The following SLC35B4 variants were observed in gnomAD, a reference collection of about 807,000 sequenced individuals.
The protein encoded by SLC35B4 is solute carrier family 35 member B4, also known as nucleotide sugar transporter SLC35B4.
In SLC35B4, 28 loss-of-function variants were observed where a neutral mutation model predicts 39.5. The ratio of observed to expected loss-of-function variants is 0.71; its 90% CI spans 0.53 to 0.97. The LOEUF (loss-of-function observed/expected upper bound fraction) is 0.97, where lower values mean the gene tolerates loss of function less well. SLC35B4 is among the 50% of genes least tolerant of loss of function. SLC35B4 has a pLI of 0.00. For missense variants in SLC35B4, 334 were observed against 414.3 expected (o/e 0.81, Z 1.68); for synonymous variants, 145 against 150.4 (o/e 0.96, Z 0.26).
Position 134,302,098 on chromosome 7 carries a change from G to A in SLC35B4, c.357C>T (p.Phe119=), listed in dbSNP as rs1024952315. The A allele has an allele frequency of 1.9e-6, 3 of 1,612,244 alleles. No individual in the cohort carries two copies. The highest frequency in any genetic ancestry group is 2.5e-6 in the Non-Finnish European group (3 of 1,179,360). Residue 119 remains phenylalanine (F), a synonymous_variant, in exon 5 of 10, where the codon TTC becomes TTT. Coordinates refer to ENST00000378509, the MANE Select transcript of SLC35B4 (RefSeq NM_032826.5). ...ACACCAGGGCAATGGAGGTATATTT[G>A]AATATACTGTATCTGCAAAAAAGAA... is the stretch of plus-strand genomic sequence containing the variant. The part of the protein sequence containing the change: ...IIILKKRYSI[F]KYTSIALVSV...
intron 8 of SLC35B4, among the ~76,000 whole-genome samples, chr7:134,298,098 TATTA>T (rs1185730868): frequency 1.3e-5 from 2 of 152,192 alleles, no homozygotes; most frequent in Non-Finnish European, 2.9e-5. Flanking sequence ...TGGTAAGAAA[TATTA>T]ATTTTCTTTC....
rs1434797572 is a variant in SLC35B4 at position 134,290,571 on chromosome 7, G to A, written c.*4262C>T. ...AACATGCTACTTTAAAGCCAAGAGG[G>A]GCCAGTCTCCCATTCCAGCTTGGTA... On this transcript the variant is annotated 3_prime_UTR_variant, in exon 10 of 10. Transcript: ENST00000378509. 1.3e-5 allele frequency: 2 copies of A among 152,108 alleles called. No individual in the cohort carries two copies. The allele number at this position is 152,108 out of a possible 1,614,324, so 9.4% of individuals were successfully genotyped here.
At chr7:134,316,270 GT>G (rs1165825287) in intron 1 of SLC35B4, among the ~76,000 whole-genome samples, 1 of 152,196 alleles carries the variant, frequency 6.6e-6, no homozygotes, top group Admixed American at 6.5e-5. Context: ...AAGAGCTAGA[GT>G]TGGATGGGAA....
At chr7:134,320,052 AT>A (rs1585652307), upstream of SLC35B4, among the ~76,000 whole-genome samples, 1 of 152,172 alleles carries the variant, frequency 6.6e-6, no homozygotes, top group African/African-American at 2.4e-5. Context: ...CTATTCTAAG[AT>A]GTCTTTTCTA....
chr7:134,311,375 G>T (rs180842229), intron 1 of SLC35B4, among the ~76,000 whole-genome samples: 1 of 152,242 alleles, frequency 6.6e-6, no homozygotes, highest in Admixed American at 6.5e-5. Context: ...CCAAATGGTC[G>T]GCACGGTGGC....
chr7:134,294,926 C>T lies in SLC35B4; in HGVS notation c.903G>A (p.Leu301=). 1 of 1,614,116 alleles carries T rather than the reference C, an allele frequency of 6.2e-7. No homozygotes were observed. Among genetic ancestry groups the T allele is most frequent in the Non-Finnish European group, 8.5e-7 (1 of 1,180,030 alleles). The change falls in exon 10 of 10, where the codon TTG becomes TTA. Residue 301 remains leucine, a synonymous_variant. Coordinates refer to ENST00000378509, the MANE Select transcript of SLC35B4 (RefSeq NM_032826.5). The stretch of plus-strand genomic sequence containing the variant: ...ACATTAAGGTCCCAATGAAGACAAA[C>T]AAGGTGCCCAGCCAGTGCCACAGGG... ...PFTLWHWLGT[L]FVFIGTLMYT...
At chr7:134,295,670 C>T (rs962502914) in intron 9 of SLC35B4, among the ~76,000 whole-genome samples, 1 of 151,970 alleles carries the variant, frequency 6.6e-6, no homozygotes, top group East Asian at 1.9e-4. Context: ...ACTGCAGCCT[C>T]GATCTCCTGG....
Position 134,309,001 on chromosome 7 carries a change from G to A in SLC35B4, c.191+365C>T, listed in dbSNP as rs548184504. ...CTCTATTTATTTCCAAAAGCCATTC[G>A]TTTTTAAAAAGAAACAAGGATACTC... On this transcript the variant is annotated intron_variant, in intron 2 of 9. Coordinates refer to ENST00000378509, the MANE Select transcript of SLC35B4 (RefSeq NM_032826.5). 3.3e-5 allele frequency among the ~76,000 whole-genome samples: 5 copies of A among 152,186 alleles called. No homozygotes were observed. In the South Asian group the frequency reaches 6.2e-4, roughly 19 times the overall value.
intron 9 of SLC35B4, among the ~76,000 whole-genome samples, chr7:134,295,421 T>G (rs766751743): frequency 6.6e-6 from 1 of 152,138 alleles, no homozygotes; most frequent in African/African-American, 2.4e-5. Flanking sequence ...CTCCAGCCCT[T>G]CTATCCCCTC....
chr7:134,296,865 A>C (rs1803480484), intron 8 of SLC35B4, among the ~76,000 whole-genome samples: 1 of 152,248 alleles, frequency 6.6e-6, no homozygotes, highest in Non-Finnish European at 1.5e-5. Flanking sequence ...GTAATTACAG[A>C]ATTCCAAAGT....
At chr7:134,308,714 ATCTCAAGTCAC>A (rs1803767830) in intron 2 of SLC35B4, among the ~76,000 whole-genome samples, 1 of 152,204 alleles carries the variant, frequency 6.6e-6, no homozygotes, top group African/African-American at 2.4e-5. Flanking sequence ...TTACACTTTT[ATCTCAAGTCAC>A]TCTCAGCAAG....
chr7:134,304,417 G>A (rs2117299072), intron 4 of SLC35B4, among the ~76,000 whole-genome samples: 1 of 152,206 alleles, frequency 6.6e-6, no homozygotes, highest in African/African-American at 2.4e-5. Context: ...AAATGTACGT[G>A]ACTAATGAAA....
At chr7:134,300,030 G>T in intron 7 of SLC35B4, 122 bp downstream of exon 7, 1 of 674,068 alleles carries the variant, frequency 1.5e-6, no homozygotes, top group South Asian at 2.2e-5. Context: ...TCAGTCTGTG[G>T]GTCTCAAAGC....
Position 134,293,552 on chromosome 7 carries a change from A to G in SLC35B4, c.*1281T>C, listed in dbSNP as rs1420299889. The G allele has an allele frequency of 6.6e-6, 1 of 152,120 alleles. No homozygotes were observed. The highest frequency in any genetic ancestry group is 1.5e-5 in the Non-Finnish European group (1 of 68,028). 9.4% of individuals were successfully genotyped at this position (152,120 alleles called of 1,614,324 possible). ...CTGATTTACACATCACACACTATAT[A>G]TCTCCATCTATGCATTCCCTTGATG... On this transcript the variant is annotated 3_prime_UTR_variant, in exon 10 of 10. Coordinates refer to ENST00000378509, the MANE Select transcript of SLC35B4 (RefSeq NM_032826.5).
chr7:134,301,830 T>C lies in SLC35B4; in HGVS notation c.427-9A>G, dbSNP rs761454822. On this transcript the variant is annotated splice_polypyrimidine_tract_variant and intron_variant, in intron 5 of 9. Coordinates refer to ENST00000378509, the MANE Select transcript of SLC35B4 (RefSeq NM_032826.5). ...AAGCTGGACTGGGAAGTCTAGGAAA[T>C]AAGAAAATAAACTAGGTACAGAGAG... 2 of 1,613,526 alleles carry C rather than the reference T, an allele frequency of 1.2e-6. No individual in the cohort carries two copies. Among genetic ancestry groups the C allele is most frequent in the African/African-American group, 2.7e-5 (2 of 74,890 alleles).
intron 8 of SLC35B4, among the ~76,000 whole-genome samples, chr7:134,298,515 G>A (rs1020304956): frequency 5.3e-5 from 8 of 152,162 alleles, no homozygotes; most frequent in African/African-American, 1.9e-4. Flanking sequence ...TTTAGAAGCA[G>A]CATTCTAACA....
chr7:134,316,985 C>T (rs1434344151), upstream of SLC35B4: 13 of 554,514 alleles, frequency 2.3e-5, no homozygotes, highest in Non-Finnish European at 4.2e-5. Flanking sequence ...GCGTCCGAGC[C>T]CCGGCCAGAC....
At chr7:134,300,537 CT>C (rs1803558632) in intron 6 of SLC35B4, among the ~76,000 whole-genome samples, 1 of 151,954 alleles carries the variant, frequency 6.6e-6, no homozygotes, top group South Asian at 2.1e-4. Flanking sequence ...GAGCTTTTGC[CT>C]GGAATTTTGC....
intron 9 of SLC35B4, 99 bp from the exon 10 acceptor site, chr7:134,295,178 A>G (rs17167718): frequency 0.015 from 22,935 of 1,480,698 alleles, 1,356 homozygotes; most frequent in African/African-American, 0.15. Context: ...CTCATATTCT[A>G]AGAAAACATG....
Sources: allele counts gnomAD v4.1 joint callset (sites outside exome capture counted in the v4.1 genomes callset), GRCh38; gene constraint gnomAD v4.1.1; transcripts MANE v1.5; gene names NCBI Gene and HGNC (gene_info 2026-07-23, HGNC 2026-07-21).